GPR35: variants seen among roughly 807,000 people sequenced by gnomAD.
The protein encoded by GPR35 is G protein-coupled receptor 35.
For missense variants in GPR35, 372 were observed against 422.5 expected, an observed-to-expected ratio of 0.88 and a Z score of 1.05; for synonymous variants, 207 against 198.4, an observed-to-expected ratio of 1.04 and a Z score of -0.36.
intron 2 of GPR35, among the ~76,000 whole-genome samples, chr2:240,614,696 G>A (rs1170625629): frequency 6.6e-6 from 1 of 152,214 alleles, no homozygotes; most frequent in Non-Finnish European, 1.5e-5. Flanking sequence ...GAGGGACCGG[G>A]TAGGCGCAGT....
At chr2:240,613,750 C>A (rs953308239) in intron 2 of GPR35, among the ~76,000 whole-genome samples, 5 of 152,062 alleles carry the variant, frequency 3.3e-5, no homozygotes, top group African/African-American at 9.7e-5. Flanking sequence ...TGGACCCGAA[C>A]CCTAACCCTA....
exon 4 of GPR35, chr2:240,617,383 T>C (rs2043249893): frequency 4.8e-6 from 3 of 628,518 alleles, no homozygotes; most frequent in South Asian, 3.8e-5. Context: ...TTTAATCTTC[T>C]CATTTTAGAG....
At chr2:240,623,979 G>A (rs1379587168), upstream of GPR35, among the ~76,000 whole-genome samples, 1 of 143,582 alleles carries the variant, frequency 7.0e-6, no homozygotes, top group Non-Finnish European at 1.5e-5. Flanking sequence ...AGCAGAGGGG[G>A]CACGGTGGAG....
At chr2:240,613,065 C>T (rs73005866) in intron 2 of GPR35, among the ~76,000 whole-genome samples, 6,230 of 152,374 alleles carry the variant, frequency 0.041, 154 homozygotes, top group South Asian at 0.078. Context: ...TGAGCTGTGG[C>T]AGACCTTCAG....
upstream of GPR35, among the ~76,000 whole-genome samples, chr2:240,622,297 G>A (rs934455134): frequency 3.9e-5 from 6 of 152,186 alleles, no homozygotes; most frequent in East Asian, 3.9e-4. Context: ...TGTAAACATC[G>A]TATGACCATG....
rs191469134 is a variant in GPR35 at position 240,631,750 on chromosome 2, G to A, written c.*868G>A. ...TGCCTCTCCTGTACTCCTGCATGGA[G>A]GGCATCTCGAAACCCAAGCTGGAAG... On this transcript the variant is annotated 3_prime_UTR_variant, in exon 2 of 2. Transcript: ENST00000407714. 3.3e-5 allele frequency among the ~76,000 whole-genome samples: 5 copies of A among 152,342 alleles called. No individual in the cohort carries two copies.
intron 2 of GPR35, among the ~76,000 whole-genome samples, chr2:240,612,737 C>T (rs73005864): frequency 0.044 from 6,708 of 152,312 alleles, 167 homozygotes; most frequent in South Asian, 0.077. Context: ...AGCGGGGCCT[C>T]GGGAGGAGGC....
At chr2:240,606,886 C>G (rs2043139750) in intron 2 of GPR35, among the ~76,000 whole-genome samples, 1 of 152,196 alleles carries the variant, frequency 6.6e-6, no homozygotes, top group Non-Finnish European at 1.5e-5. Flanking sequence ...TAGTTTAAAG[C>G]AGGGCCTAAC....
chr2:240,607,103 A>G (rs2043142260), intron 2 of GPR35: 1 of 152,192 alleles, frequency 6.6e-6, no homozygotes, highest in South Asian at 2.1e-4. Context: ...TTGATCACAT[A>G]GATGACTATG....
chr2:240,625,313 C>A, upstream of GPR35: 1 of 985,620 alleles, frequency 1.0e-6, no homozygotes, highest in Non-Finnish European at 1.2e-6. Context: ...GCCGGCACCC[C>A]ACTTCCCTCC....
At chr2:240,626,080 T>C (rs111272362) in intron 1 of GPR35, among the ~76,000 whole-genome samples, 1 of 21,486 alleles carries the variant, frequency 4.7e-5, no homozygotes, top group African/African-American at 1.6e-4. Flanking sequence ...CAGAGTGGGG[T>C]GAGGCTGTGA....
intron 5 of GPR35, among the ~76,000 whole-genome samples, chr2:240,619,738 A>G (rs1444228946): frequency 6.6e-6 from 1 of 152,216 alleles, no homozygotes; most frequent in East Asian, 1.9e-4. Context: ...CCTCCCCGCC[A>G]GACTCCCCCA....
intron 2 of GPR35, among the ~76,000 whole-genome samples, chr2:240,608,081 T>G (rs1575458805): frequency 6.6e-6 from 1 of 152,070 alleles, no homozygotes; most frequent in Non-Finnish European, 1.5e-5. Context: ...TTGTAGAGAT[T>G]GGGTCTTGCT....
upstream of GPR35, among the ~76,000 whole-genome samples, chr2:240,620,597 G>A (rs543551765): frequency 4.6e-5 from 7 of 152,212 alleles, no homozygotes; most frequent in African/African-American, 1.4e-4. Flanking sequence ...CTGGGACCCC[G>A]TGTCCCCTGC....
chr2:240,618,841 T>C (rs2043264104), intron 4 of GPR35: 3 of 555,628 alleles, frequency 5.4e-6, no homozygotes, highest in Non-Finnish European at 9.7e-6. Context: ...ATTCTGGAGA[T>C]GACCATATGA....
chr2:240,605,976 G>A (rs1316360002), intron 1 of GPR35, among the ~76,000 whole-genome samples: 3 of 152,112 alleles, frequency 2.0e-5, no homozygotes, highest in Non-Finnish European at 2.9e-5. Context: ...GGGAGTCTCC[G>A]GAGCTCTCGG....
Position 240,630,283 on chromosome 2 carries a change from G to T in GPR35, c.331G>T (p.Ala111Ser). 6.4e-7 allele frequency: 1 copy of T among 1,565,010 alleles called. No individual in the cohort carries two copies. The highest frequency in any genetic ancestry group is 8.6e-7 in the Non-Finnish European group (1 of 1,160,240). The part of the protein sequence containing the change: ...YMSISLVTAI[A>S]VDRYVAVRHP... ...GAGCATCAGCCTGGTCACGGCCATCGCCGTGGACCGCTATGTGGCCGTGCG... is the reference window on the plus strand; with the variant it reads ...GAGCATCAGCCTGGTCACGGCCATCTCCGTGGACCGCTATGTGGCCGTGCG... Residue 111 changes from alanine (A) to serine (S), a missense_variant, in exon 2 of 2, where the codon GCC (alanine) becomes TCC (serine). Coordinates refer to ENST00000407714, the MANE Select transcript of GPR35 (RefSeq NM_005301.5).
At position 240,619,589 on chromosome 2, in the gene GPR35, G is replaced by A. The variant is rs937457445; in HGVS notation, c.-5+558G>A. ...TGCAAGCCAGCCAGGCCGGGATCCT[G>A]CTGCCCCGGGGAGGACGTGGGGAAA... On this transcript the variant is annotated intron_variant, in intron 5 of 5. Coordinates refer to the GPR35 transcript ENST00000319838. 3.3e-5 allele frequency among the ~76,000 whole-genome samples: 5 copies of A among 152,244 alleles called. 1 individual carries two copies. In the South Asian group the frequency reaches 1.0e-3, roughly 32 times the overall value.
intron 4 of GPR35, chr2:240,617,413 A>G (rs2043250238): frequency 1.6e-6 from 1 of 608,622 alleles, no homozygotes; most frequent in Non-Finnish European, 3.0e-6. Context: ...TTGTGTAGCA[A>G]TAGGTAGCTG....
Sources: allele counts gnomAD v4.1 joint callset (sites outside exome capture counted in the v4.1 genomes callset), GRCh38; gene constraint gnomAD v4.1.1; transcripts MANE v1.5; gene names NCBI Gene and HGNC (gene_info 2026-07-23, HGNC 2026-07-21).